The following LPIN1 variants were observed in gnomAD, a reference collection of about 807,000 sequenced individuals.
The protein encoded by LPIN1 is phosphatidate phosphatase LPIN1.
LPIN1 carries 71 observed loss-of-function variants against 107.5 expected under a neutral mutation model. The observed-to-expected ratio is 0.66, with a 90% CI of 0.55 to 0.80. The LOEUF (loss-of-function observed/expected upper bound fraction) is 0.80, where lower values mean the gene tolerates loss of function less well. Among genes scored for constraint, LPIN1 ranks in the 30% least tolerant of loss-of-function variants. LPIN1 has a pLI of 0.00. For synonymous variants in LPIN1, 445 were observed against 452.6 expected (o/e 0.98, Z 0.21); for missense variants, 1,043 against 1,160.6 (o/e 0.90, Z 1.47).
chr2:11,801,147 CTG>C (rs1047691437), intron 14 of LPIN1, among the ~76,000 whole-genome samples: 1 of 152,214 alleles, frequency 6.6e-6, no homozygotes, highest in Non-Finnish European at 1.5e-5. Context: ...CTCTTAAACA[CTG>C]TTGGTGGGAA....
chr2:11,817,919 A>G (rs2577259), intron 18 of LPIN1: 36,136 of 141,092 alleles, frequency 0.26, 7,026 homozygotes, highest in African/African-American at 0.55. Context: ...GGCAACCAGC[A>G]AGACTCTGTC....
intron 1 of LPIN1, among the ~76,000 whole-genome samples, chr2:11,750,320 C>G (rs886654707): frequency 3.3e-5 from 5 of 152,214 alleles, no homozygotes; most frequent in Non-Finnish European, 7.3e-5. Flanking sequence ...CACCATTGGA[C>G]TCTGTGCAAT....
chr2:11,787,197 G>A (rs1674743352), intron 11 of LPIN1, 30 bp downstream of exon 11: 1 of 1,393,510 alleles, frequency 7.2e-7, no homozygotes. Context: ...CACTTTGGCA[G>A]TAGCATGATA....
At chr2:11,791,227 C>T (rs546607948) in intron 12 of LPIN1, among the ~76,000 whole-genome samples, 21 of 152,302 alleles carry the variant, frequency 1.4e-4, no homozygotes, top group African/African-American at 4.8e-4. Flanking sequence ...GAGGTGTCAG[C>T]TTCTTGAAAG....
chr2:11,792,067 T>C, intron 13 of LPIN1, 61 bp downstream of exon 13: 2 of 1,370,238 alleles, frequency 1.5e-6, no homozygotes, highest in South Asian at 2.4e-5. Context: ...TGTAGTGAGA[T>C]TGGTTTTCAT....
rs1199566524 is a variant in LPIN1 at position 11,784,328 on chromosome 2, T to TGA, written c.1358+414_1358+415dup. The TGA allele has an allele frequency of 1.7e-5, 11 of 643,284 alleles. No individual in the cohort carries two copies. The Middle Eastern group carries it at 2.2e-3, about 127-fold the overall frequency. The allele number at this position is 643,284 out of a possible 1,614,324, so 39.8% of individuals were successfully genotyped here. A position where few individuals can be genotyped will look rare whatever the true frequency, so the allele number is the denominator to read the frequency against. On this transcript the variant is annotated intron_variant, in intron 9 of 20. Transcript: ENST00000674199. ...CAAAAAAAAAAAAAAAAAAAAAGTG[T>TGA]GAGAGAGAGGCAGTGGGAGGCTCCC...
At chr2:11,752,651 T>G (rs1558803469) in intron 1 of LPIN1, among the ~76,000 whole-genome samples, 1 of 151,562 alleles carries the variant, frequency 6.6e-6, no homozygotes, top group Non-Finnish European at 1.5e-5. Context: ...CGGGATGGTC[T>G]CGATCTCCTG....
At chr2:11,764,103 T>TATACACACACAC (rs1553422099) in intron 1 of LPIN1, 3 of 121,806 alleles carry the variant, frequency 2.5e-5, no homozygotes, top group African/African-American at 1.0e-4. Flanking sequence ...TATATATATA[T>TATACACACACAC]ACACACACAC....
chr2:11,785,431 C>G (rs1435713019), intron 10 of LPIN1, among the ~76,000 whole-genome samples: 1 of 152,094 alleles, frequency 6.6e-6, no homozygotes, highest in Non-Finnish European at 1.5e-5. Flanking sequence ...ACAGGGAGGT[C>G]TGAGTTTGTC....
intron 1 of LPIN1, among the ~76,000 whole-genome samples, chr2:11,752,144 G>T (rs1220246243): frequency 6.6e-6 from 1 of 152,124 alleles, no homozygotes; most frequent in East Asian, 1.9e-4. Flanking sequence ...AGTTCCCAGC[G>T]GTATAGTTGC....
Position 11,824,896 on chromosome 2 carries a change from A to G in LPIN1, c.*105A>G. On this transcript the variant is annotated 3_prime_UTR_variant, in exon 21 of 21. Coordinates refer to ENST00000674199, the MANE Select transcript of LPIN1 (RefSeq NM_001349206.2). Reference sequence around the variant, plus strand: ...GCTCCACCTGGGAGCCTGGCGCGTCATCATTGGCCTGACAGCAGAGAGAAT... The same window carrying G: ...GCTCCACCTGGGAGCCTGGCGCGTCGTCATTGGCCTGACAGCAGAGAGAAT... The G allele has an allele frequency of 3.1e-6, 4 of 1,300,486 alleles. No homozygotes were observed. Among genetic ancestry groups the G allele is most frequent in the Non-Finnish European group, 4.4e-6 (4 of 910,004 alleles). The allele number at this position is 1,300,486 out of a possible 1,614,324, so 80.6% of individuals were successfully genotyped here.
intron 17 of LPIN1, among the ~76,000 whole-genome samples, chr2:11,812,845 A>G (rs142262286): frequency 6.6e-6 from 1 of 152,282 alleles, no homozygotes; most frequent in African/African-American, 2.4e-5. Flanking sequence ...GAGGTCATTC[A>G]AGATTGTCGC....
At chr2:11,788,485 G>T (rs377096053) in intron 12 of LPIN1, 29 bp downstream of exon 12, 3 of 1,562,740 alleles carry the variant, frequency 1.9e-6, no homozygotes, top group African/African-American at 1.4e-5. Context: ...AAGAAAAGGG[G>T]ATGCTAGAAA....
chr2:11,692,164 T>C (rs937010666), intron 1 of LPIN1, among the ~76,000 whole-genome samples: 1 of 152,390 alleles, frequency 6.6e-6, no homozygotes, highest in Admixed American at 6.5e-5. Context: ...CTGTGCATCC[T>C]AAGGAAATGC....
chr2:11,764,839 A>G (rs1340686021), intron 1 of LPIN1, among the ~76,000 whole-genome samples: 2 of 152,234 alleles, frequency 1.3e-5, no homozygotes, highest in Non-Finnish European at 2.9e-5. Context: ...CCTGTCCATC[A>G]TGACAGAAGA....
intron 1 of LPIN1, among the ~76,000 whole-genome samples, chr2:11,683,500 G>A (rs573795171): frequency 1.3e-5 from 2 of 152,142 alleles, no homozygotes; most frequent in Non-Finnish European, 2.9e-5. Context: ...GGGAGCAGAT[G>A]GCCTGGAGTT....
At chr2:11,698,546 G>A (rs1662703875) in intron 1 of LPIN1, among the ~76,000 whole-genome samples, 1 of 152,110 alleles carries the variant, frequency 6.6e-6, no homozygotes, top group South Asian at 2.1e-4. Context: ...TGGTGGATCA[G>A]GCCCAGGTTG....
chr2:11,793,328 T>G (rs1572867488), intron 13 of LPIN1, among the ~76,000 whole-genome samples: 1 of 152,322 alleles, frequency 6.6e-6, no homozygotes, highest in Non-Finnish European at 1.5e-5. Flanking sequence ...ATTACCATCA[T>G]CTCTCCCAGA....
intron 1 of LPIN1, among the ~76,000 whole-genome samples, chr2:11,762,667 A>G (rs1670038566): frequency 6.6e-6 from 1 of 152,334 alleles, no homozygotes; most frequent in Middle Eastern, 3.4e-3. Flanking sequence ...AACAAAAGAC[A>G]TTCCTATCAC....
Sources: allele counts gnomAD v4.1 joint callset (sites outside exome capture counted in the v4.1 genomes callset), GRCh38; gene constraint gnomAD v4.1.1; transcripts MANE v1.5; gene names NCBI Gene and HGNC (gene_info 2026-07-23, HGNC 2026-07-21).